The following TRIM5 variants were observed in gnomAD, a reference collection of about 807,000 sequenced individuals.
TRIM5 encodes the protein tripartite motif-containing protein 5.
Under a neutral mutation model 35.6 loss-of-function variants are expected in TRIM5, and 31 were observed. The observed-to-expected ratio is 0.87, with a 90% CI of 0.65 to 1.18. The LOEUF is 1.18. Ranked by LOEUF, TRIM5 falls within the 50% of genes most tolerant of loss-of-function variation. The probability of loss-of-function intolerance (pLI) is 0.00; values close to 1 mark genes in which losing one functional copy is unlikely to be tolerated. For synonymous variants in TRIM5, 243 were observed against 215.6 expected (o/e 1.13, Z -1.11); for missense variants, 609 against 591.6 (o/e 1.03, Z -0.31).
the TRIM5 span, among the ~76,000 whole-genome samples, chr11:5,648,721 G>A: frequency 4.4e-3 from 665 of 152,246 alleles, 3 homozygotes; most frequent in African/African-American, 0.015. Context: ...TCACCCTTGT[G>A]GAAGAGGCTT....
chr11:5,606,686 T>G, the TRIM5 span, among the ~76,000 whole-genome samples: 11 of 152,210 alleles, frequency 7.2e-5, no homozygotes, highest in Admixed American at 6.5e-4. Flanking sequence ...CTTCACCTTT[T>G]GTTCTGGCTC....
chr11:5,681,922 C>T (rs1473492704), intron 1 of TRIM5, among the ~76,000 whole-genome samples: 1 of 142,778 alleles, frequency 7.0e-6, no homozygotes, highest in East Asian at 2.3e-4. Context: ...CCCCAGCCTC[C>T]CGAGCAGCTG....
At chr11:5,652,150 C>T in the TRIM5 span, among the ~76,000 whole-genome samples, 3 of 151,924 alleles carry the variant, frequency 2.0e-5, no homozygotes, top group South Asian at 4.1e-4. Context: ...TTTTGCTGTG[C>T]AGAGGCTCTT....
chr11:5,654,176 C>A, the TRIM5 span, among the ~76,000 whole-genome samples: 11 of 151,892 alleles, frequency 7.2e-5, no homozygotes, highest in African/African-American at 2.7e-4. Context: ...TTCCTTGAAA[C>A]CTTTTATTGA....
chr11:5,618,657 CTG>C, the TRIM5 span, among the ~76,000 whole-genome samples: 1 of 152,190 alleles, frequency 6.6e-6, no homozygotes, highest in Non-Finnish European at 1.5e-5. Flanking sequence ...AGATGATAAA[CTG>C]TATACATTGC....
At chr11:5,593,076 G>C in the TRIM5 span, among the ~76,000 whole-genome samples, 1 of 152,078 alleles carries the variant, frequency 6.6e-6, no homozygotes, top group African/African-American at 2.4e-5. Flanking sequence ...AACAAAATTG[G>C]TGGCTTGTTT....
the TRIM5 span, among the ~76,000 whole-genome samples, chr11:5,647,453 A>C: frequency 6.6e-6 from 1 of 152,152 alleles, no homozygotes; most frequent in Admixed American, 6.5e-5. Context: ...GAAAAATATA[A>C]ATATATAGGA....
chr11:5,662,552 C>T (rs781646337), downstream of TRIM5, among the ~76,000 whole-genome samples: 1 of 152,146 alleles, frequency 6.6e-6, no homozygotes, highest in Non-Finnish European at 1.5e-5. Context: ...GTGCAAAATA[C>T]GTTTTTACTA....
chr11:5,641,752 T>C, the TRIM5 span, among the ~76,000 whole-genome samples: 2 of 152,212 alleles, frequency 1.3e-5, no homozygotes, highest in Non-Finnish European at 2.9e-5. Flanking sequence ...TGGAAAAGTG[T>C]AGTCCTTGTT....
At chr11:5,622,554 G>A in the TRIM5 span, among the ~76,000 whole-genome samples, 1 of 152,042 alleles carries the variant, frequency 6.6e-6, no homozygotes, top group Non-Finnish European at 1.5e-5. Flanking sequence ...GGAGGCGGAG[G>A]TTGCGGTGAG....
chr11:5,615,930 T>A, the TRIM5 span, among the ~76,000 whole-genome samples: 1 of 134,664 alleles, frequency 7.4e-6, no homozygotes, highest in Non-Finnish European at 1.6e-5. Context: ...AACATATCTT[T>A]TCATTTTTTT....
At chr11:5,603,147 C>G in the TRIM5 span, 1 of 1,512,696 alleles carries the variant, frequency 6.6e-7, no homozygotes, top group South Asian at 1.4e-5. Context: ...CTTGTTACCC[C>G]AGGTGTCTGA....
At chr11:5,612,956 G>GT in the TRIM5 span, 1 of 152,222 alleles carries the variant, frequency 6.6e-6, no homozygotes, top group Non-Finnish European at 1.5e-5. Flanking sequence ...CATTTTACCT[G>GT]TTTCATTTTA....
At chr11:5,652,613 G>C in the TRIM5 span, among the ~76,000 whole-genome samples, 1 of 152,164 alleles carries the variant, frequency 6.6e-6, no homozygotes, top group South Asian at 2.1e-4. Context: ...CTCCAGCTTT[G>C]TTCTTTTTGC....
chr11:5,633,747 C>T, the TRIM5 span: 1 of 1,528,270 alleles, frequency 6.5e-7, no homozygotes, highest in Non-Finnish European at 8.8e-7. Context: ...TGTTTGTCCT[C>T]TATCCAGATA....
chr11:5,658,993 G>A (rs944612394), downstream of TRIM5, among the ~76,000 whole-genome samples: 9 of 152,144 alleles, frequency 5.9e-5, no homozygotes, highest in Admixed American at 2.6e-4. Flanking sequence ...CACACACTGA[G>A]GCCTGTGGTA....
the TRIM5 span, among the ~76,000 whole-genome samples, chr11:5,615,696 T>G: frequency 2.3e-3 from 352 of 151,366 alleles, 1 homozygote; most frequent in African/African-American, 8.3e-3. Flanking sequence ...TGGGTTTAAG[T>G]GATTCTCCTG....
At chr11:5,676,762 T>C (rs1290854168) in intron 4 of TRIM5, among the ~76,000 whole-genome samples, 44 of 150,036 alleles carry the variant, frequency 2.9e-4, no homozygotes, top group African/African-American at 4.2e-4. Context: ...GAGATATAGA[T>C]CAATGGAACA....
intron 1 of TRIM5, among the ~76,000 whole-genome samples, chr11:5,682,060 G>T (rs956369600): frequency 3.3e-5 from 5 of 151,986 alleles, no homozygotes; most frequent in African/African-American, 1.2e-4. Flanking sequence ...GCCTCCTAAA[G>T]TGCTGGGATT....
Sources: allele counts gnomAD v4.1 joint callset (sites outside exome capture counted in the v4.1 genomes callset), GRCh38; gene constraint gnomAD v4.1.1; transcripts MANE v1.5; gene names NCBI Gene and HGNC (gene_info 2026-07-23, HGNC 2026-07-21).